Variants in B3GAT1 observed in about 807,000 individuals in gnomAD.
The protein encoded by B3GAT1 is galactosylgalactosylxylosylprotein 3-beta-glucuronosyltransferase 1.
Under a neutral mutation model 28.4 loss-of-function variants are expected in B3GAT1, and 11 were observed. That is an observed-to-expected ratio of 0.39 (90% CI 0.24 to 0.64). The LOEUF (loss-of-function observed/expected upper bound fraction) is 0.64. B3GAT1 is among the 30% of genes least tolerant of loss of function. The pLI, the probability that B3GAT1 is intolerant of heterozygous loss-of-function variation, is 0.50. For missense variants in B3GAT1, 375 were observed against 491.0 expected, an observed-to-expected ratio of 0.76 and a Z score of 2.23; for synonymous variants, 255 against 223.1, an observed-to-expected ratio of 1.14 and a Z score of -1.27.
chr11:134,388,935 T>C (rs1658085005), intron 1 of B3GAT1: 1 of 152,256 alleles, frequency 6.6e-6, no homozygotes, highest in South Asian at 2.1e-4. Flanking sequence ...AGGTGTTTTT[T>C]TTGTGAAACA....
At chr11:134,407,581 C>T (rs945329315) in intron 1 of B3GAT1, among the ~76,000 whole-genome samples, 12 of 152,264 alleles carry the variant, frequency 7.9e-5, no homozygotes, top group African/African-American at 1.2e-4. Flanking sequence ...TCCACTTTTG[C>T]GCTTATCAGA....
In B3GAT1 at chr11:134,384,160, C is replaced by T. The variant is rs374540626; in HGVS notation, c.141G>A (p.Thr47=). The part of the protein sequence containing the change: ...KDEGSDPRRE[T]PPGADPREYC... Reference sequence around the variant, plus strand: ...ACTCCCTGGGGTCGGCGCCGGGCGGCGTTTCGCGTCGGGGGTCACTGCCCT... The same window carrying T: ...ACTCCCTGGGGTCGGCGCCGGGCGGTGTTTCGCGTCGGGGGTCACTGCCCT... Residue 47 remains threonine, a synonymous_variant, in exon 3 of 6, where the codon ACG becomes ACA. Coordinates refer to ENST00000312527, the MANE Select transcript of B3GAT1 (RefSeq NM_054025.3). 18 of 1,550,680 alleles carry T rather than the reference C, an allele frequency of 1.2e-5. No homozygotes were observed. Among genetic ancestry groups the T allele is most frequent in the Non-Finnish European group, 1.4e-5 (16 of 1,148,628 alleles).
In B3GAT1 at chr11:134,384,291, C is replaced by T. The variant is rs952389558; in HGVS notation, c.113-103G>A. 9 of 1,397,230 alleles carry T rather than the reference C, an allele frequency of 6.4e-6. No individual in the cohort carries two copies. The South Asian group carries it at 1.2e-4, about 18-fold the overall frequency. 86.6% of individuals were successfully genotyped at this position (1,397,230 alleles called of 1,614,324 possible). A position where few individuals can be genotyped will look rare whatever the true frequency, so the allele number is the denominator to read the frequency against. On this transcript the variant is annotated intron_variant, in intron 2 of 5. Transcript: ENST00000312527. ...CCTGCCAGGGCACCCTCCTCCTCCC[C>T]CGCTGCAGGGGCTGCTCAGACCCCC...
chr11:134,383,875 C>G lies in B3GAT1; in HGVS notation c.426G>C (p.Thr142=). ...RLLRDTGLNY[T]HLHVETPRNY... ...TGCGGGGCGTCTCCACGTGCAGGTGCGTGTAGTTGAGGCCGGTGTCGCGCA... is the reference window on the plus strand; with the variant it reads ...TGCGGGGCGTCTCCACGTGCAGGTGGGTGTAGTTGAGGCCGGTGTCGCGCA... Residue 142 remains threonine (T), a synonymous_variant, in exon 3 of 6, where the codon ACG becomes ACC. Coordinates refer to ENST00000312527, the MANE Select transcript of B3GAT1 (RefSeq NM_054025.3). The G allele has an allele frequency of 5.6e-6, 9 of 1,596,242 alleles. No homozygotes were observed. The highest frequency in any genetic ancestry group is 7.7e-6 in the Non-Finnish European group (9 of 1,174,716).
chr11:134,385,620 T>C (rs1264553909), intron 2 of B3GAT1: 2 of 151,838 alleles, frequency 1.3e-5, no homozygotes, highest in African/African-American at 4.9e-5. Flanking sequence ...CAGTCAAGTT[T>C]TGGAAACTGA....
At chr11:134,384,477 C>A in intron 2 of B3GAT1, 1 of 459,258 alleles carries the variant, frequency 2.2e-6, no homozygotes, top group Non-Finnish European at 3.8e-6. Context: ...ATTGCATCCT[C>A]AGTTCCTGAA....
At chr11:134,409,088 A>C (rs1278862104) in intron 1 of B3GAT1, among the ~76,000 whole-genome samples, 1 of 152,228 alleles carries the variant, frequency 6.6e-6, no homozygotes, top group Non-Finnish European at 1.5e-5. Flanking sequence ...ATTAAAATTC[A>C]TCTAGTATTT....
chr11:134,404,407 G>A (rs1944688689), intron 1 of B3GAT1, among the ~76,000 whole-genome samples: 1 of 152,158 alleles, frequency 6.6e-6, no homozygotes, highest in South Asian at 2.1e-4. Flanking sequence ...CTGCTGAACT[G>A]TGCACTTGAA....
intron 1 of B3GAT1, among the ~76,000 whole-genome samples, chr11:134,407,582 G>A (rs1043989649): frequency 1.3e-5 from 2 of 152,254 alleles, no homozygotes; most frequent in African/African-American, 4.8e-5. Context: ...CCACTTTTGC[G>A]CTTATCAGAG....
rs1416474847 is a variant in B3GAT1, at chr11:134,393,757, C to T, written c.-281-5817G>A. Among the ~76,000 whole-genome samples the T allele has an allele frequency of 6.6e-6, 1 of 152,130 alleles. No homozygotes were observed. The highest frequency in any genetic ancestry group is 2.4e-5 in the African/African-American group (1 of 41,430). On this transcript the variant is annotated intron_variant, in intron 1 of 5. Transcript: ENST00000312527. This position sits in a 1 kb window ranked among gnomAD's most constrained non-coding sequence, Gnocchi z 4.0. Reference sequence around the variant, plus strand: ...GCTCAGTGGTGACAGCAGAGGGAGCCCCAGGCATCACACGGCGCCGGTCAG... The same window carrying T: ...GCTCAGTGGTGACAGCAGAGGGAGCTCCAGGCATCACACGGCGCCGGTCAG...
In B3GAT1 at chr11:134,383,978, G is replaced by A. The variant is rs1230804401; in HGVS notation, c.323C>T (p.Thr108Met). ...QKAELTRMAN[T>M]LLHVPNLHWL... ...GTGGAGGTTGGGCACGTGCAGCAGC[G>A]TGTTGGCCATGCGCGTCAGCTCGGC... The change falls in exon 3 of 6, where the codon ACG becomes ATG. Residue 108 changes from threonine to methionine, a missense_variant. By Grantham distance (81) the Thr-to-Met change is moderately conservative. Transcript: ENST00000312527. 1.2e-6 allele frequency: 2 copies of A among 1,602,606 alleles called. No homozygotes were observed. The highest frequency in any genetic ancestry group is 1.7e-6 in the Non-Finnish European group (2 of 1,178,452).
chr11:134,381,248 G>T (rs1345914468), intron 5 of B3GAT1, among the ~76,000 whole-genome samples: 4 of 152,198 alleles, frequency 2.6e-5, no homozygotes, highest in Non-Finnish European at 5.9e-5. Flanking sequence ...TCATTTCTTT[G>T]CTTCTGAAGT....
intron 1 of B3GAT1, among the ~76,000 whole-genome samples, chr11:134,409,217 GA>G (rs1323774496): frequency 6.6e-6 from 1 of 152,200 alleles, no homozygotes; most frequent in Non-Finnish European, 1.5e-5. Flanking sequence ...GATGAGACTG[GA>G]CCTCAGACAG....
chr11:134,393,494 A>G lies in B3GAT1; in HGVS notation c.-281-5554T>C, dbSNP rs145286070. ...CAAAGTGATTCAAGGGCTGAGGAGC[A>G]CTTGGTGAGCAGTCTGAGTGTAGCA... On this transcript the variant is annotated intron_variant, in intron 1 of 5. Coordinates refer to ENST00000312527, the MANE Select transcript of B3GAT1 (RefSeq NM_054025.3). The surrounding 1 kb of genome is among the most constrained non-coding windows in gnomAD (Gnocchi z 4.0). Among the ~76,000 whole-genome samples, 51 of 152,324 alleles carry G rather than the reference A, an allele frequency of 3.3e-4. 1 individual carries two copies. Among genetic ancestry groups the G allele is most frequent in the African/African-American group, 1.2e-3 (50 of 41,572 alleles).
chr11:134,388,616 CCTTT>C lies in B3GAT1; in HGVS notation c.-281-680_-281-677del, dbSNP rs1215662139. On this transcript the variant is annotated intron_variant, in intron 1 of 5. Transcript: ENST00000312527. ...AACAGGGCGTTTTTCAGCCGTTCTT[CCTTT>C]GAGAGTCCTCAGTGTGTATTCTTCT... 9 of 152,526 alleles carry C rather than the reference CCTTT, an allele frequency of 5.9e-5. No individual in the cohort carries two copies. In the East Asian group the frequency reaches 1.7e-3, roughly 30 times the overall value. 9.4% of individuals were successfully genotyped at this position (152,526 alleles called of 1,614,324 possible). A position where few individuals can be genotyped will look rare whatever the true frequency, so the allele number is the denominator to read the frequency against.
intron 1 of B3GAT1, among the ~76,000 whole-genome samples, chr11:134,395,206 G>GCAGCAAGTGCCCTCT (rs1565455531): frequency 2.0e-5 from 3 of 152,236 alleles, no homozygotes; most frequent in Non-Finnish European, 4.4e-5. Flanking sequence ...GCTGGGGCAC[G>GCAGCAAGTGCCCTCT]CCCGGGGGCG....
At position 134,381,904 on chromosome 11, in the gene B3GAT1, CA is replaced by C. The variant is rs772239219; in HGVS notation, c.*14+19del. The C allele has an allele frequency of 1.3e-6, 2 of 1,595,624 alleles. No homozygotes were observed. The highest frequency in any genetic ancestry group is 1.7e-6 in the Non-Finnish European group (2 of 1,163,652). On this transcript the variant is annotated intron_variant, in intron 5 of 5. Transcript: ENST00000312527. ...GTGCCGCCCTGCCCAGTGTGTGGCC[CA>C]CCCTCGTCATGCCCATACCTGCATC...
At chr11:134,404,150 C>T (rs886957763) in intron 1 of B3GAT1, among the ~76,000 whole-genome samples, 2 of 151,434 alleles carry the variant, frequency 1.3e-5, no homozygotes, top group Admixed American at 6.6e-5. Context: ...AGCAATATCT[C>T]CTAATGCTAT....
intron 1 of B3GAT1, among the ~76,000 whole-genome samples, chr11:134,407,850 A>G (rs1944764237): frequency 1.3e-5 from 2 of 152,276 alleles, no homozygotes; most frequent in South Asian, 4.1e-4. Context: ...CAGAGCCTCC[A>G]ACACCGTAAG....
Sources: gnomAD v4.1 joint callset for allele counts (sites outside exome capture counted in the v4.1 genomes callset) on GRCh38, gnomAD v4.1.1 for gene constraint, Gnocchi (gnomAD v3.1) non-coding constraint, MANE v1.5 for transcripts, NCBI Gene and HGNC (gene_info 2026-07-23, HGNC 2026-07-21) for gene names.